CACNA1C: variants seen among roughly 807,000 people sequenced by gnomAD.
CACNA1C encodes the protein calcium voltage-gated channel subunit alpha1 C.
CACNA1C carries 30 observed loss-of-function variants against 229.0 expected under a neutral mutation model. The observed-to-expected ratio is 0.13, with a 90% CI of 0.10 to 0.18. The LOEUF is 0.18. Ranked by LOEUF, CACNA1C falls within the 10% of genes least tolerant of loss-of-function variation. The pLI, the probability that CACNA1C is intolerant of heterozygous loss-of-function variation, is 1.00. For synonymous variants in CACNA1C, 1,114 were observed against 1,132.5 expected, an observed-to-expected ratio of 0.98 and a Z score of 0.33; for missense variants, 1,658 against 2,845.0, an observed-to-expected ratio of 0.58 and a Z score of 9.49.
At chr12:2,358,705 G>A (rs1442671216) in intron 3 of CACNA1C, among the ~76,000 whole-genome samples, 1 of 152,146 alleles carries the variant, frequency 6.6e-6, no homozygotes, top group East Asian at 1.9e-4. Context: ...CAGTTTGTGG[G>A]TGAGAGAACA....
intron 3 of CACNA1C, among the ~76,000 whole-genome samples, chr12:2,394,977 A>C (rs1219754965): frequency 6.6e-6 from 1 of 152,136 alleles, no homozygotes; most frequent in Non-Finnish European, 1.5e-5. Context: ...TTAGTTTCCT[A>C]GTGAAATTTT....
intron 3 of CACNA1C, among the ~76,000 whole-genome samples, chr12:2,123,658 G>T (rs1207986796): frequency 6.6e-6 from 1 of 152,138 alleles, no homozygotes; most frequent in Non-Finnish European, 1.5e-5. Flanking sequence ...CCCTTGGCCG[G>T]GTTGATGGCA....
At chr12:2,047,200 G>A in intron 1 of CACNA1C, among the ~76,000 whole-genome samples, 1 of 152,206 alleles carries the variant, frequency 6.6e-6, no homozygotes, top group Non-Finnish European at 1.5e-5. Flanking sequence ...CTACTGTTTT[G>A]CACCTGTACA....
chr12:1,986,417 G>A (rs1033024235), intron 1 of CACNA1C, among the ~76,000 whole-genome samples: 6 of 152,158 alleles, frequency 3.9e-5, no homozygotes, highest in Non-Finnish European at 7.3e-5. Flanking sequence ...CACACTGTCA[G>A]ACAGTCTGTG....
intron 11 of CACNA1C, among the ~76,000 whole-genome samples, chr12:2,565,603 G>A (rs1824956947): frequency 6.6e-6 from 1 of 152,162 alleles, no homozygotes; most frequent in African/African-American, 2.4e-5. Context: ...AGCCAGGTTT[G>A]AGAATCACTG....
At chr12:2,611,799 A>T in intron 28 of CACNA1C, 104 bp from the exon 29 acceptor site, 1 of 679,146 alleles carries the variant, frequency 1.5e-6, no homozygotes, top group Non-Finnish European at 2.6e-6. Context: ...GGTTCAAGGA[A>T]GGTCTTGCTG....
chr12:2,113,424 G>A (rs567741371), intron 1 of CACNA1C, among the ~76,000 whole-genome samples: 3 of 152,248 alleles, frequency 2.0e-5, no homozygotes, highest in South Asian at 2.1e-4. Flanking sequence ...GCTGGGAGAG[G>A]CGCCAAGTGT....
intron 34 of CACNA1C, chr12:2,659,803 T>C (rs960152285): frequency 6.6e-6 from 1 of 151,942 alleles, no homozygotes; most frequent in Non-Finnish European, 1.5e-5. Context: ...AATCCAATTT[T>C]TTTAAAAAAA....
chr12:2,066,628 T>A (rs2059360652), intron 1 of CACNA1C, among the ~76,000 whole-genome samples: 1 of 152,150 alleles, frequency 6.6e-6, no homozygotes, highest in Non-Finnish European at 1.5e-5. Flanking sequence ...TGGGGACCAC[T>A]CTTTCAAGAA....
chr12:2,187,239 G>C (rs1184017365), intron 3 of CACNA1C, among the ~76,000 whole-genome samples: 1 of 152,148 alleles, frequency 6.6e-6, no homozygotes, highest in African/African-American at 2.4e-5. Flanking sequence ...TGATTGCCTG[G>C]GGTGGCACTG....
chr12:2,215,749 C>T lies in CACNA1C; in HGVS notation c.477+95319C>T, dbSNP rs554042779. Among the ~76,000 whole-genome samples, 1 of 152,280 alleles carries T rather than the reference C, an allele frequency of 6.6e-6. No individual in the cohort carries two copies. Among genetic ancestry groups the T allele is most frequent in the East Asian group, 1.9e-4 (1 of 5,166 alleles). ...TGCCATGGCTTCAGCTTCCAGTACC[C>T]TGTTTGGAGGGCTCTTTGCAAAGAG... On this transcript the variant is annotated intron_variant, in intron 3 of 46. Transcript: ENST00000399655. The surrounding 1 kb of genome is among the most constrained non-coding windows in gnomAD (Gnocchi z 5.0).
chr12:2,614,917 A>G (rs1602162225), intron 29 of CACNA1C: 1 of 151,970 alleles, frequency 6.6e-6, no homozygotes, highest in South Asian at 2.1e-4. Context: ...AATTTACTCA[A>G]GTAAGTCCCT....
At chr12:2,109,908 C>G (rs952056505) in intron 1 of CACNA1C, among the ~76,000 whole-genome samples, 3 of 152,236 alleles carry the variant, frequency 2.0e-5, no homozygotes, top group Non-Finnish European at 4.4e-5. Flanking sequence ...TGGACTGACT[C>G]CAGCAGTGTT....
rs2097797321 is a variant in CACNA1C, at chr12:2,692,338, G to C, written c.*1139G>C. The C allele has an allele frequency of 1.3e-5, 2 of 152,380 alleles. No individual in the cohort carries two copies. The highest frequency in any genetic ancestry group is 4.8e-5 in the African/African-American group (2 of 41,436). The allele number at this position is 152,380 out of a possible 1,614,324, so 9.4% of individuals were successfully genotyped here. On this transcript the variant is annotated 3_prime_UTR_variant, in exon 47 of 47. Transcript: ENST00000399655. ...TGGGTGTACAGGTGGGTTTGGGAGA[G>C]AGGAGCATGCGCGAGAGAGTCTCCG...
chr12:2,420,291 C>A (rs1436969685), intron 3 of CACNA1C, among the ~76,000 whole-genome samples: 2 of 152,164 alleles, frequency 1.3e-5, no homozygotes, highest in East Asian at 3.9e-4. Context: ...CCAGCTGCCA[C>A]TGTTAATTCA....
chr12:2,641,945 AG>A (rs1433985314), intron 30 of CACNA1C, among the ~76,000 whole-genome samples: 1 of 152,072 alleles, frequency 6.6e-6, no homozygotes, highest in Non-Finnish European at 1.5e-5. Context: ...CCCTGGGAGG[AG>A]GCCGAATGCC....
At position 2,115,657 on chromosome 12, in the gene CACNA1C, G is replaced by A. The variant is rs540215817; in HGVS notation, c.371+112G>A. 6.1e-6 allele frequency: 6 copies of A among 989,790 alleles called. No individual in the cohort carries two copies. The African/African-American group carries it at 6.4e-5, about 11-fold the overall frequency. 61.3% of individuals were successfully genotyped at this position (989,790 alleles called of 1,614,324 possible). ...TCAGCTGTGCTGGGCTACAAACGGG[G>A]CCTCGGGCCTACTGCATCTGCATCA... On this transcript the variant is annotated intron_variant, in intron 2 of 46. Coordinates refer to ENST00000399655, the MANE Select transcript of CACNA1C (RefSeq NM_000719.7).
chr12:2,563,849 CT>C (rs1049868858), intron 11 of CACNA1C, among the ~76,000 whole-genome samples: 1 of 152,268 alleles, frequency 6.6e-6, no homozygotes, highest in Admixed American at 6.5e-5. Context: ...CAGCACGGAG[CT>C]GTCCCTGCCC....
chr12:2,052,749 C>T (rs2052596974), upstream of CACNA1C, among the ~76,000 whole-genome samples: 1 of 145,818 alleles, frequency 6.9e-6, no homozygotes, highest in African/African-American at 2.5e-5. Context: ...GGAGGGCTCG[C>T]TCGGGCGGCG....
Sources: gnomAD v4.1 joint callset for allele counts (sites outside exome capture counted in the v4.1 genomes callset) on GRCh38, gnomAD v4.1.1 for gene constraint, Gnocchi (gnomAD v3.1) non-coding constraint, MANE v1.5 for transcripts, NCBI Gene and HGNC (gene_info 2026-07-23, HGNC 2026-07-21) for gene names.